PCDHA6: variants seen among roughly 807,000 people sequenced by gnomAD.
PCDHA6 encodes protocadherin alpha 6.
PCDHA6 carries 55 observed loss-of-function variants against 60.3 expected under a neutral mutation model. The ratio of observed to expected loss-of-function variants is 0.91; its 90% CI spans 0.73 to 1.14. The LOEUF is 1.14. Among genes scored for constraint, PCDHA6 ranks in the 50% most tolerant of loss-of-function variants. The pLI, the probability that PCDHA6 is intolerant of heterozygous loss-of-function variation, is 0.00. For synonymous variants in PCDHA6, 652 were observed against 557.9 expected, an observed-to-expected ratio of 1.17 and a Z score of -2.38; for missense variants, 1,327 against 1,256.5, an observed-to-expected ratio of 1.06 and a Z score of -0.85.
chr5:141,004,982 A>G (rs1445212778), intron 3 of PCDHA6, among the ~76,000 whole-genome samples: 2 of 152,234 alleles, frequency 1.3e-5, no homozygotes, highest in African/African-American at 2.4e-5. Flanking sequence ...TTGCAGTATC[A>G]TTATCTTGGT....
At chr5:140,859,972 C>A (rs949834053) in intron 1 of PCDHA6, 1 of 151,842 alleles carries the variant, frequency 6.6e-6, no homozygotes, top group South Asian at 2.1e-4. Flanking sequence ...CTCAGGTATA[C>A]AAGTGCATTA....
intron 1 of PCDHA6, among the ~76,000 whole-genome samples, chr5:140,913,986 G>A (rs1326699020): frequency 1.3e-5 from 2 of 152,048 alleles, no homozygotes; most frequent in African/African-American, 4.8e-5. Context: ...GACTTGTATT[G>A]TGACTAGCAT....
chr5:140,834,465 A>G, intron 1 of PCDHA6: 1 of 1,614,150 alleles, frequency 6.2e-7, no homozygotes, highest in Non-Finnish European at 8.5e-7. Context: ...GGAGGCAGGG[A>G]GAGGCCAGCT....
intron 3 of PCDHA6, among the ~76,000 whole-genome samples, chr5:141,000,955 T>G (rs1237087024): frequency 6.6e-6 from 1 of 152,210 alleles, no homozygotes; most frequent in Non-Finnish European, 1.5e-5. Flanking sequence ...CTTGCTGTAA[T>G]TTAAGCCTTC....
chr5:140,870,935 A>C, intron 1 of PCDHA6: 2 of 1,613,778 alleles, frequency 1.2e-6, no homozygotes, highest in African/African-American at 2.7e-5. Context: ...TATGAATTGC[A>C]GCCGGCGGCG....
At chr5:140,854,798 A>G (rs2043232983) in intron 1 of PCDHA6, 1 of 149,748 alleles carries the variant, frequency 6.7e-6, no homozygotes, top group African/African-American at 2.4e-5. Flanking sequence ...GAGAGAGAAA[A>G]AAATATTTTT....
At chr5:140,999,345 C>A (rs2097854633) in intron 3 of PCDHA6, among the ~76,000 whole-genome samples, 1 of 152,178 alleles carries the variant, frequency 6.6e-6, no homozygotes, top group Non-Finnish European at 1.5e-5. Flanking sequence ...TAAGCCTTGT[C>A]TCTTTTTAAT....
rs17119334 is a variant in PCDHA6, at chr5:140,988,093, G to A, written c.2542+5530G>A. On this transcript the variant is annotated intron_variant, in intron 3 of 3. Coordinates refer to ENST00000529310, the MANE Select transcript of PCDHA6 (RefSeq NM_018909.4). ...CTATTTCATGAGTGAGTGCAGCCTCGGGCCTTGTTGGAGAATTTAGAAAGC... is the reference window on the plus strand; with the variant it reads ...CTATTTCATGAGTGAGTGCAGCCTCAGGCCTTGTTGGAGAATTTAGAAAGC... Among the ~76,000 whole-genome samples the A allele has an allele frequency of 6.9e-3, 1,055 of 152,154 alleles. 47 individuals are homozygous for A. The East Asian group carries it at 0.14, about 21-fold the overall frequency.
At chr5:140,841,904 GT>G (rs1777577070) in intron 1 of PCDHA6, 1 of 1,613,860 alleles carries the variant, frequency 6.2e-7, no homozygotes, top group East Asian at 2.2e-5. Flanking sequence ...GGTTGAGCTC[GT>G]ATTAAGAAAA....
chr5:140,835,947 C>T, intron 1 of PCDHA6: 1 of 1,612,740 alleles, frequency 6.2e-7, no homozygotes, highest in Non-Finnish European at 8.5e-7. Context: ...CGCGCTGCAG[C>T]CGTTGGACCA....
chr5:140,902,650 G>C (rs868917041), intron 1 of PCDHA6, among the ~76,000 whole-genome samples: 5 of 152,138 alleles, frequency 3.3e-5, no homozygotes, highest in Admixed American at 1.3e-4. Context: ...AGATTTTGGT[G>C]CACCTGTCAC....
chr5:140,942,926 GAA>G (rs1554215307), intron 1 of PCDHA6, among the ~76,000 whole-genome samples: 2 of 151,984 alleles, frequency 1.3e-5, no homozygotes, highest in East Asian at 3.9e-4. Flanking sequence ...AAAAAAAATT[GAA>G]AAAGAGTTTA....
At chr5:140,972,749 C>T (rs6899060) in intron 1 of PCDHA6, among the ~76,000 whole-genome samples, 3,772 of 151,356 alleles carry the variant, frequency 0.025, 151 homozygotes, top group African/African-American at 0.085. Flanking sequence ...CTGCAACCTC[C>T]GCCTCCCAAG....
chr5:140,836,508 A>C, intron 1 of PCDHA6: 1 of 1,613,830 alleles, frequency 6.2e-7, no homozygotes, highest in Non-Finnish European at 8.5e-7. Context: ...CGCGGTGTCC[A>C]GTCTGTTGGT....
intron 1 of PCDHA6, chr5:140,850,131 G>A (rs2150469102): frequency 2.5e-6 from 4 of 1,595,702 alleles, no homozygotes; most frequent in Admixed American, 1.7e-5. Context: ...GCCGCCTCTG[G>A]GCAGCAACGT....
intron 1 of PCDHA6, chr5:140,853,930 A>G: frequency 1.1e-6 from 1 of 887,870 alleles, no homozygotes; most frequent in Non-Finnish European, 1.4e-6. Flanking sequence ...ACATTTTGGG[A>G]GGCCAAGGTG....
chr5:140,954,355 G>A (rs10054520), intron 1 of PCDHA6, among the ~76,000 whole-genome samples: 9 of 152,232 alleles, frequency 5.9e-5, no homozygotes, highest in African/African-American at 1.7e-4. Context: ...TTGAGGAATC[G>A]CCACACAGTC....
chr5:140,839,514 C>T (rs2150298432), intron 1 of PCDHA6, among the ~76,000 whole-genome samples: 3 of 152,082 alleles, frequency 2.0e-5, no homozygotes, highest in African/African-American at 7.2e-5. Context: ...CTCAGCCTCT[C>T]AAGTTGCTGG....
rs2150311050 is a variant in PCDHA6, at chr5:140,841,098, T to C, written c.2394+10613T>C. The C allele has an allele frequency of 1.6e-4, 93 of 572,610 alleles. 1 individual carries two copies. The highest frequency in any genetic ancestry group is 1.4e-3 in the African/African-American group (77 of 53,518). The allele number at this position is 572,610 out of a possible 1,614,324, so 35.5% of individuals were successfully genotyped here. On this transcript the variant is annotated intron_variant, in intron 1 of 3. Transcript: ENST00000529310. ...GAAAGTGCATAGAAGAACCCAGATA[T>C]TGCGGAAGTAATTCATGTAATCATT...
Sources: gnomAD v4.1 joint callset for allele counts (sites outside exome capture counted in the v4.1 genomes callset) on GRCh38, gnomAD v4.1.1 for gene constraint, MANE v1.5 for transcripts, NCBI Gene and HGNC (gene_info 2026-07-23, HGNC 2026-07-21) for gene names.